TMEFF2: variants seen among roughly 807,000 people sequenced by gnomAD.
TMEFF2 encodes the protein transmembrane protein with EGF like and two follistatin like domains 2.
In TMEFF2, 28 loss-of-function variants were observed where a neutral mutation model predicts 53.8. The observed-to-expected ratio is 0.52, with a 90% confidence interval of 0.39 to 0.71. The LOEUF (loss-of-function observed/expected upper bound fraction) is 0.71, where lower values mean the gene tolerates loss of function less well. Among genes scored for constraint, TMEFF2 ranks in the 30% least tolerant of loss-of-function variants. TMEFF2 has a pLI of 0.00. For synonymous variants in TMEFF2, 162 were observed against 166.3 expected, an observed-to-expected ratio of 0.97 and a Z score of 0.20; for missense variants, 353 against 455.2, an observed-to-expected ratio of 0.78 and a Z score of 2.04.
At chr2:191,980,656 G>A (rs753631348) in intron 7 of TMEFF2, among the ~76,000 whole-genome samples, 3 of 152,120 alleles carry the variant, frequency 2.0e-5, no homozygotes, top group Non-Finnish European at 2.9e-5. Flanking sequence ...CCCAGCGTCT[G>A]CCTCTACTTG....
intron 4 of TMEFF2, among the ~76,000 whole-genome samples, chr2:192,145,493 T>A (rs550481739): frequency 6.6e-6 from 1 of 152,054 alleles, no homozygotes; most frequent in South Asian, 2.1e-4. Flanking sequence ...TATATTATAC[T>A]AGGAATCAGA....
rs1296196256 is a variant in TMEFF2 at position 192,034,157 on chromosome 2, A to G, written c.536+23522T>C. 4.1e-5 allele frequency among the ~76,000 whole-genome samples: 6 copies of G among 147,282 alleles called. No individual in the cohort carries two copies. In the East Asian group the frequency reaches 1.2e-3, roughly 29 times the overall value. On this transcript the variant is annotated intron_variant, in intron 5 of 9. Transcript: ENST00000272771. ...GCCACTGCACTCCAGCCTGGGTGACAGAGCAGGACTCCATTTCAAAAAAAA... is the reference window on the plus strand; with the variant it reads ...GCCACTGCACTCCAGCCTGGGTGACGGAGCAGGACTCCATTTCAAAAAAAA...
chr2:192,068,024 A>T (rs577505634), intron 4 of TMEFF2, among the ~76,000 whole-genome samples: 29 of 152,064 alleles, frequency 1.9e-4, no homozygotes, highest in African/African-American at 6.5e-4. Context: ...TAATTAATCT[A>T]AATGCACTTG....
intron 5 of TMEFF2, among the ~76,000 whole-genome samples, chr2:192,047,835 T>A (rs1687661392): frequency 6.6e-6 from 1 of 152,220 alleles, no homozygotes; most frequent in South Asian, 2.1e-4. Context: ...TGTTGGCTGC[T>A]GAGGATGGTT....
chr2:192,159,981 T>C (rs566965452), intron 4 of TMEFF2, among the ~76,000 whole-genome samples: 1 of 152,300 alleles, frequency 6.6e-6, no homozygotes, highest in South Asian at 2.1e-4. Flanking sequence ...TGGGTTACCA[T>C]TTCCTTTGGC....
At chr2:192,187,522 T>C (rs1042695505) in intron 2 of TMEFF2, among the ~76,000 whole-genome samples, 4 of 152,156 alleles carry the variant, frequency 2.6e-5, no homozygotes, top group African/African-American at 9.7e-5. Context: ...AAATAGTTTT[T>C]AGTAGTATTC....
chr2:192,137,037 C>T (rs999107282), intron 4 of TMEFF2, among the ~76,000 whole-genome samples: 4 of 152,196 alleles, frequency 2.6e-5, no homozygotes, highest in African/African-American at 9.7e-5. Context: ...TATTTACTTC[C>T]ATTCAACAGA....
chr2:192,024,466 G>C (rs192172118), intron 5 of TMEFF2, among the ~76,000 whole-genome samples: 6 of 152,300 alleles, frequency 3.9e-5, no homozygotes, highest in Admixed American at 1.3e-4. Context: ...GCTGTGTCAG[G>C]CATGTGGAGA....
At chr2:192,097,670 A>G (rs1688944862) in intron 4 of TMEFF2, among the ~76,000 whole-genome samples, 1 of 152,218 alleles carries the variant, frequency 6.6e-6, no homozygotes, top group Non-Finnish European at 1.5e-5. Flanking sequence ...AGGTCACGTC[A>G]TTTCTCAACT....
chr2:192,165,270 G>A (rs1690736084), intron 4 of TMEFF2, among the ~76,000 whole-genome samples: 1 of 152,008 alleles, frequency 6.6e-6, no homozygotes, highest in African/African-American at 2.4e-5. Context: ...CAGGAGCCTG[G>A]GTGTAAATCC....
chr2:192,080,228 TA>T (rs1688520725), intron 4 of TMEFF2, among the ~76,000 whole-genome samples: 2 of 152,328 alleles, frequency 1.3e-5, no homozygotes, highest in South Asian at 4.1e-4. Context: ...AAGTGCATGT[TA>T]AATTGTAATC....
intron 4 of TMEFF2, among the ~76,000 whole-genome samples, chr2:192,157,491 A>G (rs1559150167): frequency 6.6e-6 from 1 of 152,064 alleles, no homozygotes; most frequent in Non-Finnish European, 1.5e-5. Flanking sequence ...TTGTGACTAA[A>G]AAACAAAATA....
rs71033645 is a variant in TMEFF2, at chr2:191,964,412, CTT to C, written c.746-8036_746-8035del. On this transcript the variant is annotated intron_variant, in intron 7 of 9. Transcript: ENST00000272771. Reference sequence around the variant, plus strand: ...TTTCTTTCTTTCTCTTTCTTTCTTTCTTTCTTTCTTTCTTTCTTTCTTTCTGC... The same window carrying C: ...TTTCTTTCTTTCTCTTTCTTTCTTTCTCTTTCTTTCTTTCTTTCTTTCTGC... Among the ~76,000 whole-genome samples, 149 of 99,268 alleles carry C rather than the reference CTT, an allele frequency of 1.5e-3. 2 individuals carry two copies. The highest frequency in any genetic ancestry group is 6.0e-3 in the African/African-American group (136 of 22,546). The allele number at this position is 99,268 out of a possible 152,430, so 65.1% of individuals were successfully genotyped here. A position where few individuals can be genotyped will look rare whatever the true frequency, so the allele number is the denominator to read the frequency against.
intron 7 of TMEFF2, among the ~76,000 whole-genome samples, chr2:191,964,941 T>C (rs540790511): frequency 6.6e-6 from 1 of 152,280 alleles, no homozygotes; most frequent in African/African-American, 2.4e-5. Flanking sequence ...TCTTGTTCTT[T>C]TTGGTTGGTC....
chr2:192,168,019 G>A (rs1690813102), intron 4 of TMEFF2, among the ~76,000 whole-genome samples: 1 of 152,022 alleles, frequency 6.6e-6, no homozygotes, highest in Non-Finnish European at 1.5e-5. Flanking sequence ...GTTGTTGGTT[G>A]AGTCTTTACT....
intron 2 of TMEFF2, among the ~76,000 whole-genome samples, chr2:192,188,830 TCTA>T (rs200624164): frequency 0.31 from 43,761 of 139,144 alleles, 7,224 homozygotes; most frequent in Middle Eastern, 0.35. Flanking sequence ...CGCTTTTCTA[TCTA>T]TCTATCTATC....
intron 4 of TMEFF2, among the ~76,000 whole-genome samples, chr2:192,130,760 A>G (rs1435539418): frequency 6.6e-6 from 1 of 151,950 alleles, no homozygotes; most frequent in Non-Finnish European, 1.5e-5. Context: ...GGTGAAATAA[A>G]CAGCCATGTT....
At chr2:192,159,835 A>C (rs2106009953) in intron 4 of TMEFF2, among the ~76,000 whole-genome samples, 1 of 152,254 alleles carries the variant, frequency 6.6e-6, no homozygotes, top group Middle Eastern at 3.4e-3. Flanking sequence ...TGATACACAA[A>C]ATGTTGATCA....
At chr2:192,110,084 A>G (rs576482117) in intron 4 of TMEFF2, among the ~76,000 whole-genome samples, 6 of 152,250 alleles carry the variant, frequency 3.9e-5, no homozygotes, top group African/African-American at 1.2e-4. Flanking sequence ...TGTCTGGATG[A>G]TGAAGATGAG....
Sources: gnomAD v4.1 joint callset for allele counts (sites outside exome capture counted in the v4.1 genomes callset) on GRCh38, gnomAD v4.1.1 for gene constraint, MANE v1.5 for transcripts, NCBI Gene and HGNC (gene_info 2026-07-23, HGNC 2026-07-21) for gene names.